PNPLA7: variants seen among roughly 807,000 people sequenced by gnomAD.
The protein encoded by PNPLA7 is patatin like domain 7, lysophospholipase.
In PNPLA7, 153 loss-of-function variants were observed where a neutral mutation model predicts 161.7. The ratio of observed to expected loss-of-function variants is 0.95; its 90% CI spans 0.83 to 1.08. PNPLA7 has a LOEUF of 1.08. Ranked by LOEUF, PNPLA7 falls within the 50% of genes least tolerant of loss-of-function variation. PNPLA7 has a pLI of 0.00. For synonymous variants in PNPLA7, 809 were observed against 782.1 expected, an observed-to-expected ratio of 1.03 and a Z score of -0.57; for missense variants, 1,739 against 1,856.6, an observed-to-expected ratio of 0.94 and a Z score of 1.16.
At chr9:137,483,562 C>A (rs1832328974) in intron 21 of PNPLA7, among the ~76,000 whole-genome samples, 1 of 152,186 alleles carries the variant, frequency 6.6e-6, no homozygotes, top group Non-Finnish European at 1.5e-5. Flanking sequence ...TCAAGCGATT[C>A]TCCTGCCTCA....
At chr9:137,531,434 A>C (rs183097966) in intron 8 of PNPLA7, among the ~76,000 whole-genome samples, 1 of 152,372 alleles carries the variant, frequency 6.6e-6, no homozygotes, top group East Asian at 1.9e-4. Context: ...GGAAGCTGTG[A>C]AAACCACAGG....
chr9:137,522,912 G>C, intron 8 of PNPLA7, 55 bp from the exon 9 acceptor site: 1 of 1,598,126 alleles, frequency 6.3e-7, no homozygotes, highest in Non-Finnish European at 8.5e-7. Flanking sequence ...ACCCCCCAGG[G>C]AATGCCAAGG....
In PNPLA7 at chr9:137,543,658, G is replaced by C; in HGVS notation, c.365+66C>G. The C allele has an allele frequency of 6.2e-7, 1 of 1,611,634 alleles. No homozygotes were observed. The highest frequency in any genetic ancestry group is 1.1e-5 in the South Asian group (1 of 90,814). On this transcript the variant is annotated intron_variant, in intron 5 of 34. Coordinates refer to ENST00000406427, the MANE Select transcript of PNPLA7 (RefSeq NM_001098537.3). This position sits in a 1 kb window ranked among gnomAD's most constrained non-coding sequence, Gnocchi z 6.9. The stretch of plus-strand genomic sequence containing the variant: ...AGTGGCTGACACACCAGGCAGCTCA[G>C]GGTTGGGGAGGCCAGCACCATGGGG...
rs532974634 is a variant in PNPLA7 at position 137,460,547 on chromosome 9, G to A, written c.3946-71C>T. The A allele has an allele frequency of 2.5e-6, 4 of 1,598,286 alleles. No individual in the cohort carries two copies. The African/African-American group carries it at 5.3e-5, about 21-fold the overall frequency. On this transcript the variant is annotated intron_variant, in intron 34 of 34. Transcript: ENST00000406427. Reference sequence around the variant, plus strand: ...GGCTCTGCAGCGCTGGTAACCCGGTGGGACCACAGGGAGGGAGTGGCCGGC... The same window carrying A: ...GGCTCTGCAGCGCTGGTAACCCGGTAGGACCACAGGGAGGGAGTGGCCGGC...
At chr9:137,535,410 A>T (rs1835827751) in intron 8 of PNPLA7, among the ~76,000 whole-genome samples, 1 of 152,218 alleles carries the variant, frequency 6.6e-6, no homozygotes, top group South Asian at 2.1e-4. Context: ...TGAAGTAAGA[A>T]CAAGATAATT....
At chr9:137,472,669 G>A (rs1182504634) in intron 25 of PNPLA7, among the ~76,000 whole-genome samples, 12 of 106,298 alleles carry the variant, frequency 1.1e-4, no homozygotes, top group African/African-American at 3.3e-4. Context: ...AAAAAAAAAA[G>A]ATTTAGGCCA....
At chr9:137,461,105 G>C (rs563590168) in intron 33 of PNPLA7, 1 of 343,360 alleles carries the variant, frequency 2.9e-6, no homozygotes, top group East Asian at 6.2e-5. Context: ...TCTCCCAGGA[G>C]AATGTCCAGT....
chr9:137,462,858 C>T (rs763694583), intron 29 of PNPLA7, 25 bp from the exon 30 acceptor site: 3 of 1,611,742 alleles, frequency 1.9e-6, no homozygotes, highest in East Asian at 2.2e-5. Context: ...GCCCTGGTTA[C>T]CCCCTGGACA....
At position 137,460,675 on chromosome 9, in the gene PNPLA7, C is replaced by T. The variant is rs375176295; in HGVS notation, c.3904G>A (p.Ala1302Thr). 7 of 1,612,850 alleles carry T rather than the reference C, an allele frequency of 4.3e-6. No homozygotes were observed. Among genetic ancestry groups the T allele is most frequent in the South Asian group, 2.2e-5 (2 of 91,090 alleles). ...ELLDVPRDAY[A>T]DFQSTSAQQG... ...TGGGCTGAGGTGCTCTGGAAGTCTG[C>T]GTATGCATCCCTGGGGACGTCCAGC... The change falls in exon 34 of 35, where the codon GCA (alanine) becomes ACA (threonine). Residue 1302 changes from alanine (A) to threonine (T), a missense_variant. Around this residue, in one of 6 missense-constraint regions of PNPLA7, gnomAD observed 703 missense variants for 694.6 expected, o/e 1.01. Transcript: ENST00000406427.
Position 137,543,673 on chromosome 9 carries a change from G to A in PNPLA7, c.365+51C>T, listed in dbSNP as rs1390694957. The A allele has an allele frequency of 6.2e-7, 1 of 1,612,238 alleles. No homozygotes were observed. Among genetic ancestry groups the A allele is most frequent in the Middle Eastern group, 1.7e-4 (1 of 6,052 alleles). ...AGGCAGCTCAGGGTTGGGGAGGCCAGCACCATGGGGGGCACCTGGGGCAGG... is the reference window on the plus strand; with the variant it reads ...AGGCAGCTCAGGGTTGGGGAGGCCAACACCATGGGGGGCACCTGGGGCAGG... On this transcript the variant is annotated intron_variant, in intron 5 of 34. Coordinates refer to ENST00000406427, the MANE Select transcript of PNPLA7 (RefSeq NM_001098537.3). This position sits in a 1 kb window ranked among gnomAD's most constrained non-coding sequence, Gnocchi z 6.9.
At chr9:137,521,949 T>C (rs1024691003) in intron 9 of PNPLA7, among the ~76,000 whole-genome samples, 25 of 152,202 alleles carry the variant, frequency 1.6e-4, no homozygotes, top group Non-Finnish European at 3.1e-4. Context: ...TTTTTGCAAG[T>C]TTTCTATAAA....
At chr9:137,465,138 T>C (rs1378051901) in intron 26 of PNPLA7, among the ~76,000 whole-genome samples, 4 of 151,850 alleles carry the variant, frequency 2.6e-5, no homozygotes, top group Admixed American at 2.0e-4. Context: ...GCGCTTGGAG[T>C]GTGGGCTGGA....
chr9:137,517,981 CA>C (rs1834713871), intron 11 of PNPLA7, among the ~76,000 whole-genome samples: 1 of 119,410 alleles, frequency 8.4e-6, no homozygotes, highest in Non-Finnish European at 1.7e-5. Context: ...CTCCATCCCC[CA>C]CTCACTCACT....
intron 20 of PNPLA7, chr9:137,492,313 C>A (rs1444538583): frequency 3.3e-5 from 33 of 985,106 alleles, no homozygotes; most frequent in Admixed American, 6.2e-5. Flanking sequence ...CACCCTGTTT[C>A]CTTTTTCCAA....
At chr9:137,549,623 C>T (rs776186267) in intron 1 of PNPLA7, among the ~76,000 whole-genome samples, 8 of 150,654 alleles carry the variant, frequency 5.3e-5, no homozygotes, top group African/African-American at 1.2e-4. Flanking sequence ...GGCGAAACCC[C>T]GTTTCTACTA....
In PNPLA7 at chr9:137,543,462, G is replaced by C; in HGVS notation, c.476C>G (p.Ser159Trp). ...EFDVKNSHLP[S>W]EVLYMLKNVR... ...GTTTTTCAGCATGTACAGAACTTCC[G>C]ATGGCAGGTGAGAATTCTTCACGTC... Residue 159 changes from serine to tryptophan, a missense_variant, in exon 6 of 35, where the codon TCG (serine) becomes TGG (tryptophan). Coordinates refer to ENST00000406427, the MANE Select transcript of PNPLA7 (RefSeq NM_001098537.3). The surrounding 1 kb of genome is among the most constrained non-coding windows in gnomAD (Gnocchi z 6.9). 6.2e-7 allele frequency: 1 copy of C among 1,614,122 alleles called. No individual in the cohort carries two copies. Among genetic ancestry groups the C allele is most frequent in the Non-Finnish European group, 8.5e-7 (1 of 1,180,044 alleles).
intron 14 of PNPLA7, among the ~76,000 whole-genome samples, chr9:137,502,730 G>GGGGGGACGCGGGGGACGGGGGGGACGA (rs1554767770): frequency 2.4e-5 from 1 of 40,994 alleles, no homozygotes; most frequent in African/African-American, 1.4e-4. Context: ...GCGGGGGACG[G>GGGGGGACGCGGGGGACGGGGGGGACGA]GGGGGACGAG....
intron 31 of PNPLA7, 62 bp from the exon 32 acceptor site, chr9:137,462,103 A>C (rs1185200206): frequency 7.9e-6 from 12 of 1,517,586 alleles, no homozygotes; most frequent in African/African-American, 1.4e-5. Flanking sequence ...CTGTGTTCTC[A>C]AAAGGGGGAA....
chr9:137,501,509 A>T, intron 15 of PNPLA7, 141 bp downstream of exon 15: 2 of 804,534 alleles, frequency 2.5e-6, no homozygotes, highest in Non-Finnish European at 3.9e-6. Flanking sequence ...GGGCTCTGCC[A>T]TGGTGCCCAG....
Sources: allele counts gnomAD v4.1 joint callset (sites outside exome capture counted in the v4.1 genomes callset), GRCh38; gene constraint gnomAD v4.1.1; regional missense constraint gnomAD v4.1.1; non-coding constraint Gnocchi (gnomAD v3.1); transcripts MANE v1.5; gene names NCBI Gene and HGNC (gene_info 2026-07-23, HGNC 2026-07-21).